ESRRB: variants seen among roughly 807,000 people sequenced by gnomAD.
ESRRB encodes steroid hormone receptor ERR2.
In ESRRB, 16 loss-of-function variants were observed where a neutral mutation model predicts 46.0. The ratio of observed to expected loss-of-function variants is 0.35; its 90% CI spans 0.24 to 0.53. The LOEUF is 0.53. ESRRB is among the 20% of genes least tolerant of loss of function. ESRRB has a pLI of 0.93. For synonymous variants in ESRRB, 246 were observed against 259.6 expected, an observed-to-expected ratio of 0.95 and a Z score of 0.50; for missense variants, 488 against 607.4, an observed-to-expected ratio of 0.80 and a Z score of 2.07.
At chr14:76,461,428 C>T (rs554772505) in intron 2 of ESRRB, among the ~76,000 whole-genome samples, 37 of 147,788 alleles carry the variant, frequency 2.5e-4, no homozygotes, top group Non-Finnish European at 5.2e-4. Context: ...GTCTTGGCTT[C>T]GTGGGGCCTA....
intron 1 of ESRRB, among the ~76,000 whole-genome samples, chr14:76,333,831 G>C (rs1346928831): frequency 6.6e-6 from 1 of 151,904 alleles, no homozygotes; most frequent in Non-Finnish European, 1.5e-5. Context: ...GTGTAGACTG[G>C]CTGCATTTCA....
At chr14:76,349,243 G>T (rs1485619645) in intron 1 of ESRRB, among the ~76,000 whole-genome samples, 1 of 152,194 alleles carries the variant, frequency 6.6e-6, no homozygotes, top group Non-Finnish European at 1.5e-5. Context: ...CAGGAATGGG[G>T]CCCAGTGCAT....
At chr14:76,459,959 C>T in intron 2 of ESRRB, among the ~76,000 whole-genome samples, 1 of 146,456 alleles carries the variant, frequency 6.8e-6, no homozygotes, top group East Asian at 1.9e-4. Flanking sequence ...CTAGCCTTCA[C>T]CTGTAGATCT....
In ESRRB at chr14:76,500,830, C is replaced by T. The variant is rs1566621939; in HGVS notation, c.*2372C>T. ...TCAGAGCCCCTCTAGCAGAGTGGGG[C>T]GGAAGTCCTGATGGTTGGTGTCCAT... On this transcript the variant is annotated 3_prime_UTR_variant, in exon 7 of 7. Transcript: ENST00000644823. 18 of 1,230,976 alleles carry T rather than the reference C, an allele frequency of 1.5e-5. No homozygotes were observed. The highest frequency in any genetic ancestry group is 1.4e-4 in the South Asian group (12 of 83,476). 76.3% of individuals were successfully genotyped at this position (1,230,976 alleles called of 1,614,324 possible).
intron 1 of ESRRB, among the ~76,000 whole-genome samples, chr14:76,349,270 T>C (rs138553247): frequency 1.9e-3 from 282 of 152,266 alleles, no homozygotes; most frequent in Middle Eastern, 0.01. Flanking sequence ...GCTCCCTCTG[T>C]GGTCTCCTGG....
chr14:76,391,362 G>A (rs1480566915), intron 1 of ESRRB, among the ~76,000 whole-genome samples: 1 of 152,216 alleles, frequency 6.6e-6, no homozygotes, highest in Non-Finnish European at 1.5e-5. Context: ...CCATCAGGAG[G>A]GGCAGTTCAG....
intron 1 of ESRRB, among the ~76,000 whole-genome samples, chr14:76,328,977 C>T (rs992094851): frequency 6.6e-6 from 1 of 152,070 alleles, no homozygotes; most frequent in African/African-American, 2.4e-5. Flanking sequence ...TTGTGGAGTC[C>T]AGTTCAAAAG....
intron 1 of ESRRB, among the ~76,000 whole-genome samples, chr14:76,394,714 G>T (rs566521309): frequency 1.3e-5 from 2 of 152,174 alleles, no homozygotes; most frequent in African/African-American, 4.8e-5. Context: ...TGTCAGCTGC[G>T]TTGAGGGCCT....
intron 1 of ESRRB, among the ~76,000 whole-genome samples, chr14:76,410,908 C>A (rs951910174): frequency 6.6e-6 from 1 of 151,970 alleles, no homozygotes. Flanking sequence ...CTCAGCCTCC[C>A]GAGTAGCTGA....
chr14:76,333,895 A>G (rs1036491164), intron 1 of ESRRB, among the ~76,000 whole-genome samples: 3 of 149,030 alleles, frequency 2.0e-5, no homozygotes, highest in African/African-American at 7.4e-5. Flanking sequence ...GTGCAAGTCT[A>G]GAGGTTAGGA....
intron 1 of ESRRB, among the ~76,000 whole-genome samples, chr14:76,353,053 G>A (rs1294664496): frequency 1.3e-5 from 2 of 152,238 alleles, no homozygotes; most frequent in Admixed American, 1.3e-4. Context: ...TGCCCTCTGA[G>A]GCACCCTAGA....
intron 1 of ESRRB, among the ~76,000 whole-genome samples, chr14:76,314,157 C>T (rs1447563542): frequency 2.0e-5 from 3 of 152,178 alleles, no homozygotes; most frequent in Admixed American, 6.5e-5. Context: ...GTTAAGCCAT[C>T]AGCATTTTCA....
chr14:76,313,723 T>C (rs1883765824), intron 1 of ESRRB, among the ~76,000 whole-genome samples: 1 of 152,222 alleles, frequency 6.6e-6, no homozygotes, highest in South Asian at 2.1e-4. Flanking sequence ...TTTTTCCCTA[T>C]CACTTCACTT....
intron 1 of ESRRB, among the ~76,000 whole-genome samples, chr14:76,430,524 C>A (rs1887394426): frequency 6.6e-6 from 1 of 152,198 alleles, no homozygotes; most frequent in African/African-American, 2.4e-5. Flanking sequence ...GGCCTGCCCA[C>A]TGCTGGACTT....
At chr14:76,369,948 A>G (rs1212497190), upstream of ESRRB, among the ~76,000 whole-genome samples, 1 of 152,212 alleles carries the variant, frequency 6.6e-6, no homozygotes, top group African/African-American at 2.4e-5. Flanking sequence ...TTGCAAAGAA[A>G]CTGTTTATTC....
intron 1 of ESRRB, among the ~76,000 whole-genome samples, chr14:76,384,463 G>C (rs948487381): frequency 6.6e-6 from 1 of 152,120 alleles, no homozygotes; most frequent in Non-Finnish European, 1.5e-5. Context: ...GCAGGTTTGC[G>C]TGTCTGAATT....
At chr14:76,455,930 G>A (rs754797284) in intron 2 of ESRRB, among the ~76,000 whole-genome samples, 2 of 151,790 alleles carry the variant, frequency 1.3e-5, no homozygotes, top group African/African-American at 4.8e-5. Context: ...TGTAATCCCA[G>A]CTACTCAGGA....
rs1884770156 is a variant in ESRRB at position 76,376,463 on chromosome 14, G to C, written c.50+12G>C. 1.6e-6 allele frequency: 2 copies of C among 1,231,578 alleles called. No homozygotes were observed. Among genetic ancestry groups the C allele is most frequent in the Non-Finnish European group, 2.0e-6 (2 of 987,824 alleles). The allele number at this position is 1,231,578 out of a possible 1,614,324, so 76.3% of individuals were successfully genotyped here. On this transcript the variant is annotated intron_variant, in intron 1 of 6. Coordinates refer to ENST00000644823, the MANE Select transcript of ESRRB (RefSeq NM_001379180.1). This position sits in a 1 kb window ranked among gnomAD's most constrained non-coding sequence, Gnocchi z 4.1. The stretch of plus-strand genomic sequence containing the variant: ...GGCTACCACAACCAGTAGGTGCCCT[G>C]CTTCTCGGTCTGTCTGTCCTTCTGC...
At chr14:76,354,369 G>A (rs551572009) in intron 1 of ESRRB, among the ~76,000 whole-genome samples, 2 of 152,112 alleles carry the variant, frequency 1.3e-5, no homozygotes, top group South Asian at 2.1e-4. Flanking sequence ...TGCCTAGTAC[G>A]ATGCCAGGGA....
Sources: gnomAD v4.1 joint callset for allele counts (sites outside exome capture counted in the v4.1 genomes callset) on GRCh38, gnomAD v4.1.1 for gene constraint, Gnocchi (gnomAD v3.1) non-coding constraint, MANE v1.5 for transcripts, NCBI Gene and HGNC (gene_info 2026-07-23, HGNC 2026-07-21) for gene names.